The following COL10A1 variants were observed in gnomAD, a reference collection of about 807,000 sequenced individuals.
The protein encoded by COL10A1 is collagen alpha-1(X) chain.
COL10A1 carries 10 observed loss-of-function variants against 18.2 expected under a neutral mutation model. The observed-to-expected ratio is 0.55, with a 90% CI of 0.34 to 0.93. The LOEUF is 0.93. Ranked by LOEUF, COL10A1 falls within the 40% of genes least tolerant of loss-of-function variation. COL10A1 has a pLI of 0.02. For missense variants in COL10A1, 897 were observed against 853.5 expected (o/e 1.05, Z -0.64); for synonymous variants, 330 against 316.6 (o/e 1.04, Z -0.45).
the COL10A1 span, among the ~76,000 whole-genome samples, chr6:116,192,569 TC>T: frequency 6.6e-6 from 1 of 152,098 alleles, no homozygotes; most frequent in Non-Finnish European, 1.5e-5. Flanking sequence ...TAAACTATTT[TC>T]TTTTGATATA....
At chr6:116,196,827 A>G in the COL10A1 span, among the ~76,000 whole-genome samples, 4 of 151,844 alleles carry the variant, frequency 2.6e-5, no homozygotes, top group Admixed American at 6.6e-5. Flanking sequence ...ACACTCACAT[A>G]GTGCTTACCA....
At chr6:116,178,103 G>A in the COL10A1 span, among the ~76,000 whole-genome samples, 20 of 95,202 alleles carry the variant, frequency 2.1e-4, no homozygotes, top group African/African-American at 7.4e-4. Context: ...GCGCGCGCGC[G>A]TGCGTGCGTG....
At chr6:116,216,743 A>C in the COL10A1 span, among the ~76,000 whole-genome samples, 1 of 152,266 alleles carries the variant, frequency 6.6e-6, no homozygotes, top group Admixed American at 6.5e-5. Context: ...ACCTATAAAT[A>C]AACAAAATAA....
At chr6:116,135,442 T>C (rs1451757693) in intron 1 of COL10A1, among the ~76,000 whole-genome samples, 1 of 151,802 alleles carries the variant, frequency 6.6e-6, no homozygotes, top group Non-Finnish European at 1.5e-5. Context: ...AACAACTCCA[T>C]GTGAGTTCTC....
Position 116,147,941 on chromosome 6 carries a change from G to A in COL10A1, c.-16+10673C>T, listed in dbSNP as rs138367949. ...GCGGAGGTTGCAGGGAGCTGAGATC[G>A]CGCCACTGCACTCCAGCCTGGCGAC... On this transcript the variant is annotated intron_variant, in intron 1 of 1. Coordinates refer to the COL10A1 transcript ENST00000418500. Among the ~76,000 whole-genome samples, 65 of 151,538 alleles carry A rather than the reference G, an allele frequency of 4.3e-4. 2 individuals carry two copies. Among genetic ancestry groups the A allele is most frequent in the African/African-American group, 1.3e-3 (55 of 41,340 alleles).
intron 1 of COL10A1, among the ~76,000 whole-genome samples, chr6:116,156,566 A>C (rs1780200484): frequency 6.6e-6 from 1 of 152,216 alleles, no homozygotes; most frequent in South Asian, 2.1e-4. Flanking sequence ...TGCTAATTGC[A>C]GATATATGAA....
the COL10A1 span, among the ~76,000 whole-genome samples, chr6:116,187,828 CAG>C: frequency 6.6e-6 from 1 of 151,826 alleles, no homozygotes; most frequent in Admixed American, 6.6e-5. Flanking sequence ...AGGATAGAAA[CAG>C]TATTGATTGA....
the COL10A1 span, among the ~76,000 whole-genome samples, chr6:116,167,224 T>C: frequency 1.3e-5 from 2 of 148,250 alleles, no homozygotes; most frequent in Non-Finnish European, 3.0e-5. Context: ...TTTTTTTTTT[T>C]TTTTTTTGAG....
the COL10A1 span, among the ~76,000 whole-genome samples, chr6:116,215,827 C>T: frequency 6.6e-6 from 1 of 152,034 alleles, no homozygotes; most frequent in African/African-American, 2.4e-5. Context: ...TAATACTGTC[C>T]AAGGACATTA....
chr6:116,167,350 C>T, the COL10A1 span, among the ~76,000 whole-genome samples: 3 of 151,448 alleles, frequency 2.0e-5, no homozygotes, highest in Non-Finnish European at 4.4e-5. Context: ...GTAATTGGGA[C>T]TACAGGCATG....
chr6:116,152,326 A>G (rs963859030), intron 1 of COL10A1, among the ~76,000 whole-genome samples: 1 of 152,214 alleles, frequency 6.6e-6, no homozygotes, highest in African/African-American at 2.4e-5. Context: ...AACTTATCGT[A>G]CCATTTAACT....
intron 1 of COL10A1, among the ~76,000 whole-genome samples, chr6:116,131,590 T>C (rs1779466927): frequency 6.6e-6 from 1 of 152,178 alleles, no homozygotes; most frequent in African/African-American, 2.4e-5. Flanking sequence ...TGGTACTCCA[T>C]TGTATAGATG....
chr6:116,186,189 GGT>G, the COL10A1 span, among the ~76,000 whole-genome samples: 2 of 152,014 alleles, frequency 1.3e-5, no homozygotes, highest in Non-Finnish European at 2.9e-5. Flanking sequence ...GGAGAACAAA[GGT>G]AGGACCCCAA....
At chr6:116,178,086 TGTGCGC>T in the COL10A1 span, among the ~76,000 whole-genome samples, 1,077 of 77,532 alleles carry the variant, frequency 0.014, 8 homozygotes, top group African/African-American at 0.02. Context: ...TGTGTGTGTG[TGTGCGC>T]GCGCGCGCGC....
intron 1 of COL10A1, among the ~76,000 whole-genome samples, chr6:116,150,518 C>G (rs1780013521): frequency 6.6e-6 from 1 of 152,118 alleles, no homozygotes; most frequent in African/African-American, 2.4e-5. Context: ...TGTGTGACCT[C>G]AAGTGATCCA....
Position 116,121,504 on chromosome 6 carries a change from A to C in COL10A1, c.612T>G (p.Leu204=), listed in dbSNP as rs751499436. The C allele has an allele frequency of 8.7e-6, 14 of 1,614,010 alleles. No homozygotes were observed. The East Asian group carries it at 3.1e-4, about 36-fold the overall frequency. ...GTCCTGTGGGACCCTGAGGGCCTGG[A>C]AGACCCCTCTCACCTGGACGACCAG... ...GAPGRPGERG[L]PGPQGPTGPS... The change falls in exon 3 of 3, where the codon CTT becomes CTG. Residue 204 remains leucine (L), a synonymous_variant. Coordinates refer to ENST00000651968, the MANE Select transcript of COL10A1 (RefSeq NM_000493.4).
At chr6:116,139,970 A>AAAACACCT (rs1779723519) in intron 1 of COL10A1, among the ~76,000 whole-genome samples, 1 of 152,066 alleles carries the variant, frequency 6.6e-6, no homozygotes, top group Non-Finnish European at 1.5e-5. Flanking sequence ...TCCATGTGTC[A>AAAACACCT]GGTGTTTTGC....
chr6:116,191,598 A>G, the COL10A1 span, among the ~76,000 whole-genome samples: 1 of 152,088 alleles, frequency 6.6e-6, no homozygotes, highest in South Asian at 2.1e-4. Context: ...AAGGTACGTG[A>G]TACCACCAAT....
chr6:116,165,828 G>C, the COL10A1 span, among the ~76,000 whole-genome samples: 1 of 152,236 alleles, frequency 6.6e-6, no homozygotes, highest in Admixed American at 6.5e-5. Flanking sequence ...AGTCAGAGCA[G>C]GTTCTGGGCT....
Sources: allele counts gnomAD v4.1 joint callset (sites outside exome capture counted in the v4.1 genomes callset), GRCh38; gene constraint gnomAD v4.1.1; transcripts MANE v1.5; gene names NCBI Gene and HGNC (gene_info 2026-07-23, HGNC 2026-07-21).